Variants in PCDH15 observed in about 807,000 individuals in gnomAD.
The protein encoded by PCDH15 is protocadherin related 15.
In PCDH15, 129 loss-of-function variants were observed where a neutral mutation model predicts 178.5. That is an observed-to-expected ratio of 0.72 (90% CI 0.63 to 0.84). The LOEUF is 0.84. Ranked by LOEUF, PCDH15 falls within the 40% of genes least tolerant of loss-of-function variation. The pLI is 0.00. For synonymous variants in PCDH15, 800 were observed against 732.0 expected (o/e 1.09, Z -1.50); for missense variants, 2,230 against 2,099.9 (o/e 1.06, Z -1.21).
chr10:54,272,710 C>G (rs2058120226), intron 8 of PCDH15, among the ~76,000 whole-genome samples: 1 of 152,102 alleles, frequency 6.6e-6, no homozygotes, highest in Admixed American at 6.6e-5. Context: ...CATCCTAAAC[C>G]AAACCAACTC....
intron 1 of PCDH15, among the ~76,000 whole-genome samples, chr10:54,754,834 G>C (rs913060459): frequency 6.6e-6 from 1 of 151,426 alleles, no homozygotes; most frequent in Non-Finnish European, 1.5e-5. Flanking sequence ...GACACAAGTC[G>C]CATATGTGTT....
intron 5 of PCDH15, among the ~76,000 whole-genome samples, chr10:54,363,168 C>T (rs1203275575): frequency 1.3e-5 from 2 of 152,036 alleles, no homozygotes; most frequent in Non-Finnish European, 2.9e-5. Flanking sequence ...AAACAAAGTG[C>T]CAGCTTTAAT....
At chr10:54,702,554 A>AAAG (rs1383876396) in intron 1 of PCDH15, among the ~76,000 whole-genome samples, 1 of 151,442 alleles carries the variant, frequency 6.6e-6, no homozygotes, top group Non-Finnish European at 1.5e-5. Context: ...AAAAAAAAAA[A>AAAG]AAAACCTTCA....
chr10:55,370,768 C>T (rs1429449327), intron 2 of PCDH15, among the ~76,000 whole-genome samples: 1 of 152,142 alleles, frequency 6.6e-6, no homozygotes, highest in Non-Finnish European at 1.5e-5. Context: ...TTCCGATTAT[C>T]TTCAAACTCA....
chr10:54,542,752 G>A (rs1438147043), intron 2 of PCDH15, among the ~76,000 whole-genome samples: 2 of 151,928 alleles, frequency 1.3e-5, no homozygotes, highest in African/African-American at 4.8e-5. Context: ...GACATGGAAG[G>A]GGGAAAGGGA....
chr10:54,268,120 G>A (rs377732505), intron 8 of PCDH15, among the ~76,000 whole-genome samples: 2 of 151,406 alleles, frequency 1.3e-5, no homozygotes, highest in African/African-American at 4.8e-5. Context: ...CCAGAAATGA[G>A]GCCTCATTCC....
intron 2 of PCDH15, among the ~76,000 whole-genome samples, chr10:55,627,122 G>A (rs1338252922): frequency 1.3e-5 from 2 of 152,048 alleles, no homozygotes; most frequent in Admixed American, 6.5e-5. Context: ...ACTTAAAAGA[G>A]AAGGATGTAA....
chr10:54,909,105 G>A (rs1954775463), intron 2 of PCDH15, among the ~76,000 whole-genome samples: 1 of 152,174 alleles, frequency 6.6e-6, no homozygotes, highest in Non-Finnish European at 1.5e-5. Context: ...GGGCTTTTGT[G>A]GGCTTCCAAA....
At chr10:54,974,040 TTC>T (rs72538027) in intron 2 of PCDH15, among the ~76,000 whole-genome samples, 49,016 of 143,936 alleles carry the variant, frequency 0.34, 8,587 homozygotes, top group East Asian at 0.66. Context: ...CTCTCCTTCC[TTC>T]TCTCTCTCTC....
intron 8 of PCDH15, among the ~76,000 whole-genome samples, chr10:54,291,675 A>G (rs1490338164): frequency 2.0e-5 from 3 of 152,224 alleles, no homozygotes; most frequent in Non-Finnish European, 4.4e-5. Context: ...AACTACCACC[A>G]GAGAATAGTA....
chr10:55,060,205 T>G (rs1482495602), intron 2 of PCDH15, among the ~76,000 whole-genome samples: 1 of 152,076 alleles, frequency 6.6e-6, no homozygotes, highest in Non-Finnish European at 1.5e-5. Flanking sequence ...AGTCTCAGTT[T>G]ATTGATCTGG....
rs1222124702 is a variant in PCDH15 at position 54,116,524 on chromosome 10, C to T, written c.1917+16351G>A. Among the ~76,000 whole-genome samples, 4 of 152,134 alleles carry T rather than the reference C, an allele frequency of 2.6e-5. No individual in the cohort carries two copies. The East Asian group carries it at 5.8e-4, about 22-fold the overall frequency. ...AAATGATCAGGTAGAGCAATGGATG[C>T]TTATGATGTAAGAAGCACATAGGGA... is the stretch of plus-strand genomic sequence containing the variant. On this transcript the variant is annotated intron_variant, in intron 15 of 37. Transcript: ENST00000644397.
chr10:54,048,744 T>C (rs1024628144), intron 18 of PCDH15, among the ~76,000 whole-genome samples: 2 of 152,150 alleles, frequency 1.3e-5, no homozygotes, highest in Non-Finnish European at 2.9e-5. Flanking sequence ...TGTGTCTGTC[T>C]ATGTGTAGCC....
In PCDH15 at chr10:54,752,478, AAAAAAAAAAAAAACAAAAAACAAAAAAC is replaced by A. The variant is rs1566126819; in HGVS notation, c.-29+48419_-29+48446del. Among the ~76,000 whole-genome samples, 8 of 88,306 alleles carry A rather than the reference AAAAAAAAAAAAAACAAAAAACAAAAAAC, an allele frequency of 9.1e-5. 2 individuals carry two copies. The highest frequency in any genetic ancestry group is 1.3e-4 in the Non-Finnish European group (5 of 39,230). The allele number at this position is 88,306 out of a possible 152,430, so 57.9% of individuals were successfully genotyped here. A position where few individuals can be genotyped will look rare whatever the true frequency, so the allele number is the denominator to read the frequency against. ...GGTGACAGAACGAGACTCCGTCTCA[AAAAAAAAAAAAAACAAAAAACAAAAAAC>A]AAAAAACAAACAAACAAACAAACAA... On this transcript the variant is annotated intron_variant, in intron 1 of 37. Coordinates refer to ENST00000644397, the MANE Select transcript of PCDH15 (RefSeq NM_001384140.1).
chr10:54,915,719 C>T (rs1015120347), intron 2 of PCDH15, among the ~76,000 whole-genome samples: 2 of 152,166 alleles, frequency 1.3e-5, no homozygotes, highest in African/African-American at 4.8e-5. Context: ...AAACCTTCCT[C>T]CTTAAGCTGA....
At chr10:54,661,697 A>G (rs937936476) in intron 2 of PCDH15, among the ~76,000 whole-genome samples, 1 of 151,940 alleles carries the variant, frequency 6.6e-6, no homozygotes, top group African/African-American at 2.4e-5. Context: ...TGGCATTGGC[A>G]TAAAGATGGA....
intron 2 of PCDH15, among the ~76,000 whole-genome samples, chr10:55,545,029 T>G (rs1455242961): frequency 6.6e-6 from 1 of 152,156 alleles, no homozygotes; most frequent in Non-Finnish European, 1.5e-5. Flanking sequence ...TTTTTTAAAG[T>G]GTATCTTCAA....
chr10:55,564,296 G>A (rs933793851), intron 2 of PCDH15, among the ~76,000 whole-genome samples: 4 of 132,650 alleles, frequency 3.0e-5, no homozygotes, highest in South Asian at 2.7e-4. Flanking sequence ...ATATTATTGA[G>A]CTTTTGCTAA....
intron 2 of PCDH15, among the ~76,000 whole-genome samples, chr10:54,553,906 TAA>T (rs1459056894): frequency 6.6e-6 from 1 of 152,178 alleles, no homozygotes; most frequent in Non-Finnish European, 1.5e-5. Flanking sequence ...TGAATCACAC[TAA>T]GTGTATGCCT....
Sources: allele counts gnomAD v4.1 joint callset (sites outside exome capture counted in the v4.1 genomes callset), GRCh38; gene constraint gnomAD v4.1.1; transcripts MANE v1.5; gene names NCBI Gene and HGNC (gene_info 2026-07-23, HGNC 2026-07-21).